Variants in CASD1 observed in about 807,000 individuals in gnomAD.
CASD1 encodes N-acetylneuraminate (7)9-O-acetyltransferase.
CASD1 carries 41 observed loss-of-function variants against 100.0 expected under a neutral mutation model. The ratio of observed to expected loss-of-function variants is 0.41; its 90% CI spans 0.32 to 0.53. The LOEUF (loss-of-function observed/expected upper bound fraction) is 0.53. CASD1 is among the 20% of genes least tolerant of loss of function. CASD1 has a pLI of 0.25. For missense variants in CASD1, 774 were observed against 948.7 expected (o/e 0.82, Z 2.42); for synonymous variants, 321 against 315.6 (o/e 1.02, Z -0.18).
chr7:94,572,272 A>G, the CASD1 span, among the ~76,000 whole-genome samples: 2 of 152,258 alleles, frequency 1.3e-5, no homozygotes, highest in Admixed American at 1.3e-4. Flanking sequence ...TTCTGATATC[A>G]TATTCCAGCT....
chr7:94,587,567 T>C, the CASD1 span: 3 of 1,330,146 alleles, frequency 2.3e-6, no homozygotes, highest in African/African-American at 4.6e-5. Context: ...ATTTATCTTT[T>C]TTCTCTCTTT....
chr7:94,587,298 C>T, the CASD1 span: 1 of 991,442 alleles, frequency 1.0e-6, no homozygotes, highest in Non-Finnish European at 1.2e-6. Context: ...ACTCAAGTTT[C>T]CTAATTCCCC....
chr7:94,556,628 A>T lies in CASD1; in HGVS notation c.*870A>T, dbSNP rs565825762. The T allele has an allele frequency of 6.6e-6, 1 of 152,018 alleles. No individual in the cohort carries two copies. Among genetic ancestry groups the T allele is most frequent in the Admixed American group, 6.6e-5 (1 of 15,258 alleles). The allele number at this position is 152,018 out of a possible 1,614,324, so 9.4% of individuals were successfully genotyped here. On this transcript the variant is annotated 3_prime_UTR_variant, in exon 18 of 18. Coordinates refer to ENST00000297273, the MANE Select transcript of CASD1 (RefSeq NM_022900.5). ...TCTTTATAGCCATTTGGTATTTCCT[A>T]TTACCCACCTCCTATTTTAAATATT...
the CASD1 span, among the ~76,000 whole-genome samples, chr7:94,623,119 CCTAT>C: frequency 6.6e-6 from 1 of 152,020 alleles, no homozygotes; most frequent in Non-Finnish European, 1.5e-5. Flanking sequence ...TGTTTGGCTT[CCTAT>C]CTGAGTTTTC....
In CASD1 at chr7:94,535,312, C is replaced by A; in HGVS notation, c.632C>A (p.Pro211His). 1 of 1,608,026 alleles carries A rather than the reference C, an allele frequency of 6.2e-7. No homozygotes were observed. Among genetic ancestry groups the A allele is most frequent in the South Asian group, 1.1e-5 (1 of 90,656 alleles). ...TAAAAATGTGTCTCACGTGCAGATC[C>A]TGTTTATGAAGATCTATTAAGTGAA... ...TSDVYWVLQD[P>H]VYEDLLSENR... is the part of the protein sequence containing the mutation. The change falls in exon 8 of 18, where the codon CCT (proline) becomes CAT (histidine). Residue 211 changes from proline to histidine, a missense_variant. By Grantham distance (77) the Pro-to-His change is moderately conservative. Transcript: ENST00000297273.
the CASD1 span, chr7:94,603,494 T>C: frequency 1.3e-6 from 2 of 1,581,544 alleles, no homozygotes; most frequent in Non-Finnish European, 1.7e-6. Context: ...TTAAGAAAAT[T>C]GAAAACACTA....
intron 1 of CASD1, among the ~76,000 whole-genome samples, chr7:94,516,932 C>G (rs534036121): frequency 8.0e-5 from 12 of 150,146 alleles, no homozygotes; most frequent in African/African-American, 2.9e-4. Flanking sequence ...GAGGCAGAGT[C>G]TAGCTCTGTC....
intron 1 of CASD1, among the ~76,000 whole-genome samples, chr7:94,513,144 G>C (rs367873520): frequency 6.6e-6 from 1 of 152,048 alleles, no homozygotes; most frequent in East Asian, 1.9e-4. Context: ...CAAGACCAGC[G>C]TGGCCAACAT....
At chr7:94,542,027 G>A (rs1795429331) in intron 10 of CASD1, among the ~76,000 whole-genome samples, 1 of 152,020 alleles carries the variant, frequency 6.6e-6, no homozygotes, top group South Asian at 2.1e-4. Context: ...GGCCAACATT[G>A]GCAGGAACTT....
At chr7:94,628,517 ACCACGTT>A in the CASD1 span, 1 of 588,794 alleles carries the variant, frequency 1.7e-6, no homozygotes, top group Admixed American at 3.1e-5. Context: ...AAATTAGGGC[ACCACGTT>A]AAAAAAAATC....
chr7:94,562,240 A>G, the CASD1 span, among the ~76,000 whole-genome samples: 1 of 152,168 alleles, frequency 6.6e-6, no homozygotes, highest in Non-Finnish European at 1.5e-5. Context: ...TATTGTTTAT[A>G]TTAGTCTCAT....
intron 9 of CASD1, among the ~76,000 whole-genome samples, chr7:94,538,418 A>T (rs1281922865): frequency 6.6e-6 from 1 of 152,120 alleles, no homozygotes; most frequent in Non-Finnish European, 1.5e-5. Context: ...TATTTGTGTA[A>T]CTTCTTTACA....
At chr7:94,590,953 T>A in the CASD1 span, 3 of 152,222 alleles carry the variant, frequency 2.0e-5, no homozygotes, top group Non-Finnish European at 2.9e-5. Flanking sequence ...GAGTTTTTTT[T>A]AATGTTTCAG....
At chr7:94,628,768 A>G in the CASD1 span, 1 of 171,540 alleles carries the variant, frequency 5.8e-6, no homozygotes, top group East Asian at 1.6e-4. Flanking sequence ...CAAAATTATA[A>G]AAGTCTCATC....
chr7:94,627,907 A>C, the CASD1 span: 7 of 337,124 alleles, frequency 2.1e-5, no homozygotes, highest in Non-Finnish European at 3.9e-5. Flanking sequence ...AAGTCTATCA[A>C]GTCTACAATT....
At chr7:94,584,328 G>A in the CASD1 span, among the ~76,000 whole-genome samples, 1 of 152,036 alleles carries the variant, frequency 6.6e-6, no homozygotes, top group Admixed American at 6.6e-5. Context: ...ATTCCTCCTA[G>A]GCCATGACAC....
the CASD1 span, chr7:94,600,339 C>G: frequency 3.0e-6 from 1 of 336,264 alleles, no homozygotes; most frequent in Non-Finnish European, 5.6e-6. Flanking sequence ...GCAGTCTCTG[C>G]TCATGCAAGA....
the CASD1 span, among the ~76,000 whole-genome samples, chr7:94,565,666 A>T: frequency 6.6e-6 from 1 of 152,116 alleles, no homozygotes; most frequent in African/African-American, 2.4e-5. Context: ...GCTATCACCT[A>T]TCCCAAGGAC....
chr7:94,576,437 A>G, the CASD1 span, among the ~76,000 whole-genome samples: 2 of 152,210 alleles, frequency 1.3e-5, no homozygotes, highest in Admixed American at 6.5e-5. Context: ...TGCTGTATTT[A>G]TGGTATTTAT....
Sources: allele counts gnomAD v4.1 joint callset (sites outside exome capture counted in the v4.1 genomes callset), GRCh38; gene constraint gnomAD v4.1.1; transcripts MANE v1.5; gene names NCBI Gene and HGNC (gene_info 2026-07-23, HGNC 2026-07-21).